Variants in TEKT5 observed in about 807,000 individuals in gnomAD.
The protein encoded by TEKT5 is tektin-5.
In TEKT5, 52 loss-of-function variants were observed where a neutral mutation model predicts 48.7. The ratio of observed to expected loss-of-function variants is 1.07; its 90% CI spans 0.86 to 1.35. The LOEUF is 1.35. TEKT5 is among the 40% of genes most tolerant of loss of function. The pLI is 0.00. For synonymous variants in TEKT5, 318 were observed against 267.6 expected, an observed-to-expected ratio of 1.19 and a Z score of -1.84; for missense variants, 831 against 641.6, an observed-to-expected ratio of 1.30 and a Z score of -3.19.
chr16:10,646,821 C>G (rs1567226829), intron 5 of TEKT5, among the ~76,000 whole-genome samples: 2 of 152,208 alleles, frequency 1.3e-5, no homozygotes, highest in South Asian at 4.1e-4. Flanking sequence ...TGAGCCACAG[C>G]AACTCAGCCC....
chr16:10,670,190 G>A (rs1898527653), intron 5 of TEKT5, among the ~76,000 whole-genome samples: 1 of 152,202 alleles, frequency 6.6e-6, no homozygotes, highest in Non-Finnish European at 1.5e-5. Flanking sequence ...TTTTGCCAAG[G>A]ACTATCAGGC....
chr16:10,669,120 G>A (rs1898510974), intron 5 of TEKT5, among the ~76,000 whole-genome samples: 1 of 152,108 alleles, frequency 6.6e-6, no homozygotes, highest in Non-Finnish European at 1.5e-5. Context: ...GTACATGAGT[G>A]TTCACAGCAG....
chr16:10,669,568 G>A (rs530220804), intron 5 of TEKT5, among the ~76,000 whole-genome samples: 8 of 152,306 alleles, frequency 5.3e-5, no homozygotes, highest in African/African-American at 1.9e-4. Context: ...CCTTCTCATT[G>A]TATGATTCAG....
intron 5 of TEKT5, among the ~76,000 whole-genome samples, chr16:10,655,657 G>A (rs917447924): frequency 6.6e-6 from 1 of 152,154 alleles, no homozygotes; most frequent in African/African-American, 2.4e-5. Context: ...TCAAAATGTT[G>A]TTTGGGACTC....
chr16:10,663,427 A>T (rs1443736713), intron 5 of TEKT5, among the ~76,000 whole-genome samples: 1 of 152,212 alleles, frequency 6.6e-6, no homozygotes, highest in African/African-American at 2.4e-5. Context: ...AATTGCATGA[A>T]GCCAAGGAGT....
chr16:10,669,101 C>G (rs1220314269), intron 5 of TEKT5, among the ~76,000 whole-genome samples: 2 of 152,182 alleles, frequency 1.3e-5, no homozygotes, highest in Non-Finnish European at 2.9e-5. Flanking sequence ...AGAGTGCATA[C>G]AAATATGTGT....
At chr16:10,653,049 C>T (rs1898196843) in intron 5 of TEKT5, among the ~76,000 whole-genome samples, 1 of 152,248 alleles carries the variant, frequency 6.6e-6, no homozygotes, top group African/African-American at 2.4e-5. Context: ...AGAGTCCCCA[C>T]TGCAGGTCCC....
intron 5 of TEKT5, among the ~76,000 whole-genome samples, chr16:10,662,537 A>C (rs1898391570): frequency 6.6e-6 from 1 of 152,174 alleles, no homozygotes. Context: ...CGGCACCACC[A>C]CCCTATAAAA....
At chr16:10,687,270 T>G (rs1441039803) in intron 3 of TEKT5, among the ~76,000 whole-genome samples, 1 of 152,214 alleles carries the variant, frequency 6.6e-6, no homozygotes, top group Non-Finnish European at 1.5e-5. Flanking sequence ...TAGTTCCAAT[T>G]AGTTCAATGT....
At chr16:10,653,008 G>A (rs1478292688) in intron 5 of TEKT5, among the ~76,000 whole-genome samples, 1 of 152,202 alleles carries the variant, frequency 6.6e-6, no homozygotes, top group Non-Finnish European at 1.5e-5. Context: ...GCATCTCTCT[G>A]CCCATCCCCC....
chr16:10,674,617 G>GAAAAAAAA (rs57583870), intron 5 of TEKT5, among the ~76,000 whole-genome samples: 2 of 74,746 alleles, frequency 2.7e-5, no homozygotes, highest in African/African-American at 5.9e-5. Context: ...GATCATCTCA[G>GAAAAAAAA]AAAAAAAAAA....
At chr16:10,684,296 T>A (rs1898815526) in intron 3 of TEKT5, among the ~76,000 whole-genome samples, 1 of 152,106 alleles carries the variant, frequency 6.6e-6, no homozygotes, top group Non-Finnish European at 1.5e-5. Context: ...TCCCTTCTTG[T>A]GTCTATGTCT....
At chr16:10,662,589 T>C (rs1234442700) in intron 5 of TEKT5, among the ~76,000 whole-genome samples, 4 of 152,252 alleles carry the variant, frequency 2.6e-5, no homozygotes, top group Admixed American at 2.6e-4. Flanking sequence ...GCCCCTTCTG[T>C]GCTGTGCTGC....
intron 5 of TEKT5, among the ~76,000 whole-genome samples, chr16:10,661,652 G>C (rs185376860): frequency 6.6e-6 from 1 of 152,142 alleles, no homozygotes; most frequent in South Asian, 2.1e-4. Context: ...AGATGAAGTA[G>C]GAAGGACTTG....
chr16:10,692,209 A>C (rs766279215), intron 1 of TEKT5, among the ~76,000 whole-genome samples: 6 of 152,178 alleles, frequency 3.9e-5, no homozygotes, highest in Non-Finnish European at 7.3e-5. Flanking sequence ...TGGGGGAGTG[A>C]GAAGAGAATG....
At position 10,627,880 on chromosome 16, in the gene TEKT5, T is replaced by C. The variant is rs1346864977; in HGVS notation, c.1242-81A>G. 6 of 1,365,064 alleles carry C rather than the reference T, an allele frequency of 4.4e-6. No individual in the cohort carries two copies. In the East Asian group the frequency reaches 1.3e-4, roughly 28 times the overall value. The allele number at this position is 1,365,064 out of a possible 1,614,324, so 84.6% of individuals were successfully genotyped here. A position where few individuals can be genotyped will look rare whatever the true frequency, so the allele number is the denominator to read the frequency against. ...TTTTTTGAGACAGAGTCTCACTCTGTCACCCAGGCTGGAGTGCAGTGGCAC... is the reference window on the plus strand; with the variant it reads ...TTTTTTGAGACAGAGTCTCACTCTGCCACCCAGGCTGGAGTGCAGTGGCAC... On this transcript the variant is annotated intron_variant, in intron 6 of 6. Coordinates refer to ENST00000283025, the MANE Select transcript of TEKT5 (RefSeq NM_144674.2).
chr16:10,635,535 G>T (rs1168019514), intron 6 of TEKT5, among the ~76,000 whole-genome samples: 1 of 152,128 alleles, frequency 6.6e-6, no homozygotes, highest in African/African-American at 2.4e-5. Context: ...AGACCACAGT[G>T]CACAGGGTGG....
At chr16:10,693,856 G>C (rs1005647844) in intron 1 of TEKT5, among the ~76,000 whole-genome samples, 2 of 152,162 alleles carry the variant, frequency 1.3e-5, no homozygotes, top group Non-Finnish European at 2.9e-5. Flanking sequence ...TGTAATCCCA[G>C]CTCCTCAGGA....
At chr16:10,689,454 T>C (rs1341486381) in intron 2 of TEKT5, 131 bp from the exon 3 acceptor site, 4 of 732,646 alleles carry the variant, frequency 5.5e-6, no homozygotes, top group Non-Finnish European at 4.4e-6. Flanking sequence ...AATGTCAGCG[T>C]GGGGCCCCGC....
Sources: allele counts gnomAD v4.1 joint callset (sites outside exome capture counted in the v4.1 genomes callset), GRCh38; gene constraint gnomAD v4.1.1; transcripts MANE v1.5; gene names NCBI Gene and HGNC (gene_info 2026-07-23, HGNC 2026-07-21).